Variants in TRPM3 observed in about 807,000 individuals in gnomAD.
TRPM3 encodes the protein transient receptor potential cation channel subfamily M member 3.
Under a neutral mutation model 181.2 loss-of-function variants are expected in TRPM3, and 77 were observed. The observed-to-expected ratio is 0.42, with a 90% CI of 0.35 to 0.51. TRPM3 has a LOEUF of 0.51. Ranked by LOEUF, TRPM3 falls within the 20% of genes least tolerant of loss-of-function variation. The pLI is 0.01. For missense variants in TRPM3, 1,759 were observed against 2,196.7 expected, an observed-to-expected ratio of 0.80 and a Z score of 3.98; for synonymous variants, 745 against 796.4, an observed-to-expected ratio of 0.94 and a Z score of 1.09.
At chr9:71,294,634 T>C (rs2086104782) in intron 1 of TRPM3, among the ~76,000 whole-genome samples, 1 of 152,114 alleles carries the variant, frequency 6.6e-6, no homozygotes, top group South Asian at 2.1e-4. Flanking sequence ...TAATTCTAAG[T>C]GTAAACCCCA....
chr9:71,210,501 A>T (rs1366299207), intron 1 of TRPM3, among the ~76,000 whole-genome samples: 1 of 152,186 alleles, frequency 6.6e-6, no homozygotes, highest in African/African-American at 2.4e-5. Flanking sequence ...AAGGTCAAGG[A>T]TCACTGCCCT....
At chr9:71,366,710 TA>T (rs1390209803) in intron 1 of TRPM3, among the ~76,000 whole-genome samples, 2 of 152,216 alleles carry the variant, frequency 1.3e-5, no homozygotes, top group African/African-American at 4.8e-5. Context: ...TTTATATACA[TA>T]TTTTTTATTA....
At chr9:70,770,534 G>C (rs1209447750) in intron 7 of TRPM3, among the ~76,000 whole-genome samples, 2 of 152,178 alleles carry the variant, frequency 1.3e-5, no homozygotes, top group African/African-American at 4.8e-5. Context: ...ACATTGAAGT[G>C]GTGAGGCCAG....
At chr9:70,974,129 G>A (rs2097273786) in intron 1 of TRPM3, among the ~76,000 whole-genome samples, 1 of 152,148 alleles carries the variant, frequency 6.6e-6, no homozygotes, top group Non-Finnish European at 1.5e-5. Context: ...CTTTCTCTTT[G>A]TATAGCGTAG....
intron 1 of TRPM3, among the ~76,000 whole-genome samples, chr9:71,205,474 A>C (rs1372984685): frequency 6.6e-6 from 1 of 152,086 alleles, no homozygotes; most frequent in Non-Finnish European, 1.5e-5. Context: ...CGTAAGAAGG[A>C]ATGGACCTTG....
chr9:71,078,539 C>T (rs1428229960), intron 1 of TRPM3, among the ~76,000 whole-genome samples: 1 of 152,016 alleles, frequency 6.6e-6, no homozygotes, highest in Non-Finnish European at 1.5e-5. Flanking sequence ...GCCTGTATTA[C>T]TTCTTCAATT....
chr9:71,390,999 CAA>C (rs1262716894), intron 1 of TRPM3, among the ~76,000 whole-genome samples: 1 of 151,912 alleles, frequency 6.6e-6, no homozygotes, highest in Admixed American at 6.6e-5. Flanking sequence ...TACTGAGACA[CAA>C]AGTCAGAGAT....
intron 6 of TRPM3, among the ~76,000 whole-genome samples, chr9:70,821,929 C>G (rs1015439622): frequency 6.6e-5 from 10 of 152,162 alleles, no homozygotes; most frequent in African/African-American, 2.4e-4. Context: ...AAATTTACAA[C>G]CACAAATACC....
At chr9:71,081,259 C>A (rs2064288823) in intron 1 of TRPM3, among the ~76,000 whole-genome samples, 1 of 152,168 alleles carries the variant, frequency 6.6e-6, no homozygotes, top group African/African-American at 2.4e-5. Flanking sequence ...GAATAGTGAA[C>A]ATGCAAGGCA....
intron 1 of TRPM3, among the ~76,000 whole-genome samples, chr9:71,177,772 A>T (rs905705391): frequency 7.9e-5 from 12 of 152,050 alleles, no homozygotes; most frequent in African/African-American, 2.9e-4. Flanking sequence ...TACCTTTAGG[A>T]CTAGCACACT....
At chr9:71,176,747 T>C (rs925699842) in intron 1 of TRPM3, among the ~76,000 whole-genome samples, 7 of 152,122 alleles carry the variant, frequency 4.6e-5, no homozygotes, top group Non-Finnish European at 8.8e-5. Flanking sequence ...TACAGGTATA[T>C]CATTTTTAAT....
chr9:70,901,947 T>G (rs961572563), intron 1 of TRPM3, among the ~76,000 whole-genome samples: 4 of 152,198 alleles, frequency 2.6e-5, no homozygotes, highest in Non-Finnish European at 5.9e-5. Context: ...ATGTCACATA[T>G]TGTGCTTGTT....
chr9:70,684,878 C>G (rs193220680), intron 8 of TRPM3, among the ~76,000 whole-genome samples: 1 of 152,176 alleles, frequency 6.6e-6, no homozygotes, highest in Non-Finnish European at 1.5e-5. Context: ...ATTAGAGTTA[C>G]GCTAACCTTC....
intron 1 of TRPM3, among the ~76,000 whole-genome samples, chr9:71,025,528 A>G (rs933238901): frequency 6.6e-6 from 1 of 152,246 alleles, no homozygotes; most frequent in African/African-American, 2.4e-5. Context: ...TAGGGAAAAT[A>G]CCATTTCTGT....
At chr9:70,681,959 A>T (rs894269732) in intron 8 of TRPM3, among the ~76,000 whole-genome samples, 1 of 152,190 alleles carries the variant, frequency 6.6e-6, no homozygotes, top group Admixed American at 6.5e-5. Flanking sequence ...TAGTGCCATT[A>T]TGAAAGGCCT....
intron 1 of TRPM3, among the ~76,000 whole-genome samples, chr9:71,036,546 G>C (rs982871164): frequency 7.2e-5 from 11 of 152,178 alleles, no homozygotes; most frequent in African/African-American, 2.7e-4. Flanking sequence ...TCACTGAAAA[G>C]TTAACAGTGA....
intron 1 of TRPM3, among the ~76,000 whole-genome samples, chr9:71,258,110 A>G (rs1453916821): frequency 6.6e-6 from 1 of 152,240 alleles, no homozygotes; most frequent in African/African-American, 2.4e-5. Flanking sequence ...GAAAATATTC[A>G]AAGGCATAAA....
chr9:71,079,275 C>T lies in TRPM3; in HGVS notation c.177+41903G>A, dbSNP rs568520606. Among the ~76,000 whole-genome samples the T allele has an allele frequency of 5.3e-5, 8 of 152,280 alleles. No individual in the cohort carries two copies. The South Asian group carries it at 8.3e-4, about 16-fold the overall frequency. ...AGTGCTCTCTATGGGAACAAAGTACCTCAGTTTGATCTATGGACAGTGGCA... is the reference window on the plus strand; with the variant it reads ...AGTGCTCTCTATGGGAACAAAGTACTTCAGTTTGATCTATGGACAGTGGCA... On this transcript the variant is annotated intron_variant, in intron 1 of 25. Coordinates refer to ENST00000677713, the MANE Select transcript of TRPM3 (RefSeq NM_001366145.2).
intron 1 of TRPM3, among the ~76,000 whole-genome samples, chr9:70,966,989 T>C (rs766346425): frequency 1.3e-5 from 2 of 151,528 alleles, no homozygotes; most frequent in Non-Finnish European, 2.9e-5. Context: ...ATGTTTGTAA[T>C]TGTGAACTTA....
Sources: allele counts gnomAD v4.1 joint callset (sites outside exome capture counted in the v4.1 genomes callset), GRCh38; gene constraint gnomAD v4.1.1; transcripts MANE v1.5; gene names NCBI Gene and HGNC (gene_info 2026-07-23, HGNC 2026-07-21).